Variants in CLINT1 observed in about 807,000 individuals in gnomAD.
The protein encoded by CLINT1 is clathrin interacting protein localized in the trans-Golgi region.
Under a neutral mutation model 70.4 loss-of-function variants are expected in CLINT1, and 15 were observed. That is an observed-to-expected ratio of 0.21 (90% CI 0.14 to 0.33). The LOEUF (loss-of-function observed/expected upper bound fraction) is 0.33. Ranked by LOEUF, CLINT1 falls within the 10% of genes least tolerant of loss-of-function variation. The pLI is 1.00. For synonymous variants in CLINT1, 227 were observed against 254.7 expected, an observed-to-expected ratio of 0.89 and a Z score of 1.04; for missense variants, 615 against 778.1, an observed-to-expected ratio of 0.79 and a Z score of 2.49.
Position 157,840,727 on chromosome 5 carries a change from C to T in CLINT1, c.41+18203G>A, listed in dbSNP as rs182836579. Reference sequence around the variant, plus strand: ...ACTACTCATTGTTAATTTTATGTGTCGTTTATCTCAATAAAAAAATATATT... The same window carrying T: ...ACTACTCATTGTTAATTTTATGTGTTGTTTATCTCAATAAAAAAATATATT... On this transcript the variant is annotated intron_variant, in intron 1 of 11. Coordinates refer to ENST00000411809, the MANE Select transcript of CLINT1 (RefSeq NM_014666.4). 2.0e-3 allele frequency among the ~76,000 whole-genome samples: 308 copies of T among 150,866 alleles called. 1 individual carries two copies. Among genetic ancestry groups the T allele is most frequent in the Non-Finnish European group, 3.8e-3 (255 of 67,790 alleles).
intron 1 of CLINT1, among the ~76,000 whole-genome samples, chr5:157,848,114 T>A (rs899339122): frequency 1.3e-5 from 2 of 149,930 alleles, no homozygotes; most frequent in East Asian, 2.0e-4. Flanking sequence ...CCAAAAAAAA[T>A]TTTTTTTTGA....
intron 9 of CLINT1, among the ~76,000 whole-genome samples, chr5:157,793,490 T>C (rs1761977480): frequency 6.6e-6 from 1 of 152,212 alleles, no homozygotes. Flanking sequence ...TTCAGCCCCC[T>C]GCGTAAGGTG....
At chr5:157,854,051 T>C (rs1207203498) in intron 1 of CLINT1, among the ~76,000 whole-genome samples, 1 of 152,152 alleles carries the variant, frequency 6.6e-6, no homozygotes, top group East Asian at 1.9e-4. Context: ...CAATTACTTA[T>C]AATCGGTTCA....
chr5:157,789,323 G>T, intron 11 of CLINT1, 40 bp downstream of exon 11: 1 of 1,558,390 alleles, frequency 6.4e-7, no homozygotes, highest in East Asian at 2.2e-5. Context: ...GCAAAAGACT[G>T]CAAGTACACA....
intron 1 of CLINT1, among the ~76,000 whole-genome samples, chr5:157,853,370 A>C (rs980674898): frequency 6.6e-6 from 1 of 152,034 alleles, no homozygotes; most frequent in Non-Finnish European, 1.5e-5. Flanking sequence ...AAAAAAGTCC[A>C]GAAAAAGACT....
In CLINT1 at chr5:157,821,736, T is replaced by A. The variant is rs142404246; in HGVS notation, c.42-4189A>T. Among the ~76,000 whole-genome samples the A allele has an allele frequency of 5.3e-5, 8 of 152,320 alleles. No homozygotes were observed. The East Asian group carries it at 1.2e-3, about 22-fold the overall frequency. On this transcript the variant is annotated intron_variant, in intron 1 of 11. Transcript: ENST00000411809. ...TGTAACAGTTACAACTACTGGGTAG[T>A]TCAGCAGTATAACTGGCTAACAATA...
chr5:157,809,452 A>T (rs1225007107), intron 6 of CLINT1, among the ~76,000 whole-genome samples, 176 bp downstream of exon 6: 3 of 150,822 alleles, frequency 2.0e-5, no homozygotes, highest in African/African-American at 7.3e-5. Context: ...TTTATGCACA[A>T]TTTTTCTGTG....
chr5:157,857,117 C>T (rs76414090), intron 1 of CLINT1, among the ~76,000 whole-genome samples: 3,410 of 151,646 alleles, frequency 0.022, 65 homozygotes, highest in Middle Eastern at 0.041. Flanking sequence ...CACGGTGATG[C>T]ATGCCTGTAG....
intron 1 of CLINT1, among the ~76,000 whole-genome samples, chr5:157,841,378 C>A (rs183890243): frequency 6.6e-6 from 1 of 151,212 alleles, no homozygotes; most frequent in Non-Finnish European, 1.5e-5. Flanking sequence ...CCAGCCTGGC[C>A]AACATGGTGA....
chr5:157,830,757 C>CCCTCTCTCTCT lies in CLINT1; in HGVS notation c.42-13211_42-13210insAGAGAGAGAGG, dbSNP rs1763202161. Among the ~76,000 whole-genome samples, 19 of 87,402 alleles carry CCCTCTCTCTCT rather than the reference C, an allele frequency of 2.2e-4. No individual in the cohort carries two copies. In the South Asian group the frequency reaches 2.7e-3, roughly 13 times the overall value. The allele number at this position is 87,402 out of a possible 152,430, so 57.3% of individuals were successfully genotyped here. ...CTCTCCCTGCCCCTCCCTCTCTCTC[C>CCCTCTCTCTCT]CTCTCTCTCTCTCTCTCTCTCTCTC... On this transcript the variant is annotated intron_variant, in intron 1 of 11. Coordinates refer to ENST00000411809, the MANE Select transcript of CLINT1 (RefSeq NM_014666.4).
intron 7 of CLINT1, among the ~76,000 whole-genome samples, chr5:157,804,690 C>T (rs542759351): frequency 2.6e-5 from 4 of 152,062 alleles, no homozygotes; most frequent in South Asian, 2.1e-4. Context: ...TTTGGGAGGC[C>T]GAAGCAGGTG....
chr5:157,825,420 A>G (rs1763005756), intron 1 of CLINT1, among the ~76,000 whole-genome samples: 1 of 152,176 alleles, frequency 6.6e-6, no homozygotes, highest in Non-Finnish European at 1.5e-5. Flanking sequence ...TCAAAAAAAA[A>G]TTACGATCAA....
At chr5:157,806,386 A>T (rs1762384856) in intron 6 of CLINT1, among the ~76,000 whole-genome samples, 1 of 148,540 alleles carries the variant, frequency 6.7e-6, no homozygotes, top group South Asian at 2.1e-4. Flanking sequence ...AAAAAATGTC[A>T]AAATAACTCG....
chr5:157,786,665 CCAAAA>C lies in CLINT1; in HGVS notation c.*976_*980del, dbSNP rs1761736045. On this transcript the variant is annotated 3_prime_UTR_variant, in exon 12 of 12. Coordinates refer to ENST00000411809, the MANE Select transcript of CLINT1 (RefSeq NM_014666.4). Reference sequence around the variant, plus strand: ...AATGCTGCATTATATACACTCAAAACCAAAACAAAACAAATACTGTATAAAATCTA... The same window carrying C: ...AATGCTGCATTATATACACTCAAAACCAAAACAAATACTGTATAAAATCTA... 6.6e-6 allele frequency: 1 copy of C among 152,360 alleles called. No individual in the cohort carries two copies. The highest frequency in any genetic ancestry group is 1.5e-5 in the Non-Finnish European group (1 of 67,976). 9.4% of individuals were successfully genotyped at this position (152,360 alleles called of 1,614,324 possible). A position where few individuals can be genotyped will look rare whatever the true frequency, so the allele number is the denominator to read the frequency against.
chr5:157,802,750 T>C (rs1036520368), intron 8 of CLINT1, among the ~76,000 whole-genome samples: 5 of 152,156 alleles, frequency 3.3e-5, no homozygotes, highest in Admixed American at 3.3e-4. Context: ...ATCACCATGT[T>C]GGCCAGGCTG....
chr5:157,840,968 A>T (rs1457894990), intron 1 of CLINT1, among the ~76,000 whole-genome samples: 2 of 152,186 alleles, frequency 1.3e-5, no homozygotes, highest in Non-Finnish European at 2.9e-5. Flanking sequence ...CTTCATGAAA[A>T]GGATTGGTTG....
intron 1 of CLINT1, among the ~76,000 whole-genome samples, chr5:157,833,076 C>T (rs1391877443): frequency 2.0e-5 from 3 of 152,142 alleles, no homozygotes; most frequent in Admixed American, 6.6e-5. Flanking sequence ...CCAGGCCAGG[C>T]GCGGTGGCTC....
chr5:157,839,169 T>C (rs1763532441), intron 1 of CLINT1, among the ~76,000 whole-genome samples: 1 of 152,070 alleles, frequency 6.6e-6, no homozygotes, highest in Admixed American at 6.6e-5. Flanking sequence ...GTCAAGGCTA[T>C]AGTGGGCCAT....
intron 1 of CLINT1, among the ~76,000 whole-genome samples, chr5:157,836,041 T>C (rs998280580): frequency 3.3e-5 from 5 of 152,248 alleles, no homozygotes; most frequent in African/African-American, 1.2e-4. Flanking sequence ...AGGTTGTTAA[T>C]TGAAACTTGT....
Sources: allele counts gnomAD v4.1 joint callset (sites outside exome capture counted in the v4.1 genomes callset), GRCh38; gene constraint gnomAD v4.1.1; transcripts MANE v1.5; gene names NCBI Gene and HGNC (gene_info 2026-07-23, HGNC 2026-07-21).